Variants in DGKD observed in about 807,000 individuals in gnomAD.
DGKD encodes the protein diacylglycerol kinase delta, also known as DAG kinase delta.
In DGKD, 68 loss-of-function variants were observed where a neutral mutation model predicts 154.4. The ratio of observed to expected loss-of-function variants is 0.44; its 90% confidence interval spans 0.36 to 0.54. The LOEUF (loss-of-function observed/expected upper bound fraction) is 0.54, where lower values mean the gene tolerates loss of function less well. DGKD is among the 20% of genes least tolerant of loss of function. The probability of loss-of-function intolerance (pLI) is 0.00; values close to 1 mark genes in which losing one functional copy is unlikely to be tolerated. For missense variants in DGKD, 1,343 were observed against 1,593.6 expected (o/e 0.84, Z 2.68); for synonymous variants, 693 against 638.0 (o/e 1.09, Z -1.30).
intron 27 of DGKD, among the ~76,000 whole-genome samples, chr2:233,465,895 T>C (rs3768805): frequency 0.2 from 28,262 of 144,014 alleles, 2,937 homozygotes; most frequent in Admixed American, 0.28. Flanking sequence ...TTAATAATAA[T>C]TAAAACACCA....
At position 233,354,512 on chromosome 2, in the gene DGKD, C is replaced by G. The variant is rs1459577933; in HGVS notation, c.-7C>G. 4 of 983,414 alleles carry G rather than the reference C, an allele frequency of 4.1e-6. No homozygotes were observed. Among genetic ancestry groups the G allele is most frequent in the East Asian group, 1.1e-4 (1 of 8,754 alleles). 60.9% of individuals were successfully genotyped at this position (983,414 alleles called of 1,614,324 possible). ...CCCGCCCGCGGTGCGCGCGCTGGCC[C>G]GGCAGCATGGCGGCGGCGGCGGGCG... On this transcript the variant is annotated 5_prime_UTR_variant, in exon 1 of 30. Transcript: ENST00000264057. This position sits in a 1 kb window ranked among gnomAD's most constrained non-coding sequence, Gnocchi z 4.8.
chr2:233,397,417 C>T (rs1168232734), intron 3 of DGKD, among the ~76,000 whole-genome samples: 2 of 137,306 alleles, frequency 1.5e-5, no homozygotes, highest in Admixed American at 7.3e-5. Context: ...AGTGAGAGGA[C>T]TCCAGAGGGG....
intron 1 of DGKD, among the ~76,000 whole-genome samples, chr2:233,369,046 T>A (rs1303531005): frequency 6.6e-6 from 1 of 152,218 alleles, no homozygotes; most frequent in Non-Finnish European, 1.5e-5. Context: ...TGGATTGGCT[T>A]AGGTTTAGGG....
Position 233,445,923 on chromosome 2 carries a change from T to A in DGKD, c.1334+161T>A, listed in dbSNP as rs1370865018. Among the ~76,000 whole-genome samples the A allele has an allele frequency of 1.3e-5, 2 of 152,152 alleles. No individual in the cohort carries two copies. The highest frequency in any genetic ancestry group is 2.9e-5 in the Non-Finnish European group (2 of 68,016). On this transcript the variant is annotated intron_variant, in intron 11 of 29. Coordinates refer to ENST00000264057, the MANE Select transcript of DGKD (RefSeq NM_152879.3). This position sits in a 1 kb window ranked among gnomAD's most constrained non-coding sequence, Gnocchi z 5.5. ...TATTCGGATAGTCTTTGATATTTGG[T>A]CAGATTATGACAAGGATAAAAACAA... is the stretch of plus-strand genomic sequence containing the variant.
Position 233,449,608 on chromosome 2 carries a change from C to T in DGKD, c.1888+232C>T, listed in dbSNP as rs1311537475. On this transcript the variant is annotated intron_variant, in intron 15 of 29. Coordinates refer to ENST00000264057, the MANE Select transcript of DGKD (RefSeq NM_152879.3). The surrounding 1 kb of genome is among the most constrained non-coding windows in gnomAD (Gnocchi z 5.3). The stretch of plus-strand genomic sequence containing the variant: ...GCCTCCCCTCGACCTCTTTCCTGGC[C>T]CTCATTGACTTCACTATAAGCGTCT... Among the ~76,000 whole-genome samples the T allele has an allele frequency of 6.6e-6, 1 of 152,186 alleles. No homozygotes were observed. Among genetic ancestry groups the T allele is most frequent in the Non-Finnish European group, 1.5e-5 (1 of 68,030 alleles).
intron 1 of DGKD, among the ~76,000 whole-genome samples, chr2:233,361,334 C>G (rs1047117438): frequency 6.6e-6 from 1 of 152,212 alleles, no homozygotes; most frequent in Admixed American, 6.5e-5. Context: ...TCTCTAGATT[C>G]CCAACAGAAG....
intron 3 of DGKD, among the ~76,000 whole-genome samples, chr2:233,423,157 C>T (rs539514568): frequency 1.3e-5 from 2 of 152,262 alleles, no homozygotes; most frequent in South Asian, 2.1e-4. Flanking sequence ...CATTTACCCC[C>T]TGAAGGGCAT....
rs749144387 is a variant in DGKD, at chr2:233,445,510, G to A, written c.1195-113G>A. 1.8e-4 allele frequency: 256 copies of A among 1,435,112 alleles called. 1 individual carries two copies. The highest frequency in any genetic ancestry group is 4.4e-4 in the Admixed American group (18 of 40,822). 88.9% of individuals were successfully genotyped at this position (1,435,112 alleles called of 1,614,324 possible). A position where few individuals can be genotyped will look rare whatever the true frequency, so the allele number is the denominator to read the frequency against. Reference sequence around the variant, plus strand: ...TGTAAGCTGCGTGGTTTTAGGTCACGTCCCCACATTGCTAACGTAACCCTC... The same window carrying A: ...TGTAAGCTGCGTGGTTTTAGGTCACATCCCCACATTGCTAACGTAACCCTC... On this transcript the variant is annotated intron_variant, in intron 10 of 29. Transcript: ENST00000264057. The surrounding 1 kb of genome is among the most constrained non-coding windows in gnomAD (Gnocchi z 5.5).
chr2:233,364,963 G>A (rs938359602), intron 1 of DGKD, among the ~76,000 whole-genome samples: 2 of 152,172 alleles, frequency 1.3e-5, no homozygotes, highest in African/African-American at 4.8e-5. Context: ...GAAACTTGGT[G>A]TAGCTATTTT....
In DGKD at chr2:233,391,754, GTTTTA is replaced by G. The variant is rs1295964657; in HGVS notation, c.348+1280_348+1284del. 2.6e-5 allele frequency among the ~76,000 whole-genome samples: 4 copies of G among 152,098 alleles called. No individual in the cohort carries two copies. In the East Asian group the frequency reaches 7.7e-4, roughly 29 times the overall value. ...CTAGTTTCAGGTGCTTTCAAGTTTT[GTTTTA>G]TTTTATTTATTGATGGATTCATTGT... On this transcript the variant is annotated intron_variant, in intron 3 of 29. Transcript: ENST00000264057.
chr2:233,381,633 G>A (rs1702910347), intron 1 of DGKD, among the ~76,000 whole-genome samples: 1 of 152,194 alleles, frequency 6.6e-6, no homozygotes, highest in African/African-American at 2.4e-5. Context: ...TAACCTGGAG[G>A]TCTTTGAATA....
chr2:233,466,946 G>T, intron 27 of DGKD, 140 bp from the exon 28 acceptor site: 1 of 682,672 alleles, frequency 1.5e-6, no homozygotes, highest in Non-Finnish European at 2.7e-6. Flanking sequence ...AGGGAGAGAA[G>T]CCCTTTCAGG....
chr2:233,468,192 A>T (rs2063888499), intron 28 of DGKD, among the ~76,000 whole-genome samples: 1 of 147,134 alleles, frequency 6.8e-6, no homozygotes, highest in Admixed American at 6.9e-5. Flanking sequence ...GCTGCCAGAG[A>T]TGGCTCAGGT....
At chr2:233,384,638 T>C (rs1380503956) in intron 1 of DGKD, among the ~76,000 whole-genome samples, 1 of 152,118 alleles carries the variant, frequency 6.6e-6, no homozygotes, top group Admixed American at 6.5e-5. Context: ...CGGTCGATTC[T>C]CACATCTTTC....
At chr2:233,419,040 C>T (rs1217308271) in intron 3 of DGKD, among the ~76,000 whole-genome samples, 1 of 152,092 alleles carries the variant, frequency 6.6e-6, no homozygotes, top group African/African-American at 2.4e-5. Context: ...TGGGGGCTTC[C>T]AGGTAGGGAA....
chr2:233,367,637 A>G (rs1293093410), intron 1 of DGKD, among the ~76,000 whole-genome samples: 2 of 151,980 alleles, frequency 1.3e-5, no homozygotes, highest in Non-Finnish European at 2.9e-5. Context: ...TTGTTGTTTT[A>G]TCTCCTATAT....
chr2:233,423,359 T>C (rs1206936974), intron 3 of DGKD, among the ~76,000 whole-genome samples: 1 of 152,152 alleles, frequency 6.6e-6, no homozygotes, highest in Non-Finnish European at 1.5e-5. Flanking sequence ...GCCGTAATGT[T>C]TTACATCCCA....
chr2:233,403,482 A>G (rs1486441376), intron 3 of DGKD, among the ~76,000 whole-genome samples: 4 of 151,434 alleles, frequency 2.6e-5, no homozygotes, highest in Admixed American at 1.3e-4. Flanking sequence ...AATTGCTTCA[A>G]CCCAGGAGGT....
rs1024365787 is a variant in DGKD, at chr2:233,434,454, A to C, written c.423A>C (p.Leu141Phe). Residue 141 changes from leucine (L) to phenylalanine (F), a missense_variant, in exon 4 of 30, where the codon TTA becomes TTC. By Grantham distance (22) the Leu-to-Phe change is conservative (BLOSUM62 0). This residue lies in a region of DGKD where 332 missense variants were observed against 400.1 expected (regional missense o/e 0.83). Coordinates refer to ENST00000264057, the MANE Select transcript of DGKD (RefSeq NM_152879.3). ...RKEMEDWIAA[L>F]KTVQNREHFE... ...AAATGGAAGATTGGATTGCAGCATT[A>C]AAGACTGTGCAGAACAGGGAGCACT... 1 of 1,614,088 alleles carries C rather than the reference A, an allele frequency of 6.2e-7. No homozygotes were observed. The highest frequency in any genetic ancestry group is 8.5e-7 in the Non-Finnish European group (1 of 1,180,026).
Sources: allele counts gnomAD v4.1 joint callset (sites outside exome capture counted in the v4.1 genomes callset), GRCh38; gene constraint gnomAD v4.1.1; regional missense constraint gnomAD v4.1.1; non-coding constraint Gnocchi (gnomAD v3.1); transcripts MANE v1.5; gene names NCBI Gene and HGNC (gene_info 2026-07-23, HGNC 2026-07-21).